LRRC4C: variants seen among roughly 807,000 people sequenced by gnomAD.
LRRC4C encodes leucine-rich repeat-containing protein 4C.
A neutral mutation model predicts 33.6 loss-of-function variants in LRRC4C; 5 were observed. The ratio of observed to expected loss-of-function variants is 0.15; its 90% CI spans 0.08 to 0.31. The LOEUF (loss-of-function observed/expected upper bound fraction) is 0.31. LRRC4C is among the 10% of genes least tolerant of loss of function. LRRC4C has a pLI of 1.00. For missense variants in LRRC4C, 560 were observed against 796.7 expected (o/e 0.70, Z 3.58); for synonymous variants, 329 against 302.0 (o/e 1.09, Z -0.93).
chr11:40,783,116 C>G (rs752426797), intron 2 of LRRC4C, among the ~76,000 whole-genome samples: 4 of 151,992 alleles, frequency 2.6e-5, no homozygotes, highest in Admixed American at 6.6e-5. Context: ...CTTAAAAATA[C>G]CACTGTTAAT....
At chr11:41,252,459 T>C (rs776935213) in intron 1 of LRRC4C, among the ~76,000 whole-genome samples, 2 of 152,132 alleles carry the variant, frequency 1.3e-5, no homozygotes, top group Non-Finnish European at 2.9e-5. Flanking sequence ...AAGTAAGTTA[T>C]CTAAGAAAAG....
At chr11:40,546,084 AC>A (rs1956905593) in intron 3 of LRRC4C, among the ~76,000 whole-genome samples, 2 of 135,756 alleles carry the variant, frequency 1.5e-5, no homozygotes, top group Non-Finnish European at 1.6e-5. Flanking sequence ...CTTCCTTCCT[AC>A]CTTCCTTCCT....
chr11:40,187,422 A>C (rs909791205), intron 5 of LRRC4C, among the ~76,000 whole-genome samples: 1 of 149,254 alleles, frequency 6.7e-6, no homozygotes, highest in African/African-American at 2.5e-5. Context: ...AAATGTTTGG[A>C]TTGACAGCTC....
At chr11:41,107,573 T>G (rs1157024033) in intron 1 of LRRC4C, among the ~76,000 whole-genome samples, 2 of 152,058 alleles carry the variant, frequency 1.3e-5, no homozygotes, top group African/African-American at 4.8e-5. Context: ...AACCAATTAA[T>G]TTGAAGATTA....
rs184028706 is a variant in LRRC4C, at chr11:41,446,507, A to G, written c.-496+12924T>C. Reference sequence around the variant, plus strand: ...GTGACATGCAATGAAGGGGACTGAGAGAGTTGTGGGTCAGTTTTCCTATAT... The same window carrying G: ...GTGACATGCAATGAAGGGGACTGAGGGAGTTGTGGGTCAGTTTTCCTATAT... On this transcript the variant is annotated intron_variant, in intron 1 of 6. Coordinates refer to ENST00000528697, the MANE Select transcript of LRRC4C (RefSeq NM_001258419.2). Among the ~76,000 whole-genome samples, 27 of 151,144 alleles carry G rather than the reference A, an allele frequency of 1.8e-4. No homozygotes were observed. In the East Asian group the frequency reaches 4.9e-3, roughly 28 times the overall value.
chr11:40,137,267 T>A (rs573965397), intron 6 of LRRC4C, among the ~76,000 whole-genome samples: 1 of 152,148 alleles, frequency 6.6e-6, no homozygotes, highest in Non-Finnish European at 1.5e-5. Flanking sequence ...ACTCTCACAC[T>A]TTCTCTTCCT....
At chr11:40,329,198 C>G (rs1398663108) in intron 3 of LRRC4C, among the ~76,000 whole-genome samples, 1 of 152,180 alleles carries the variant, frequency 6.6e-6, no homozygotes, top group African/African-American at 2.4e-5. Context: ...ACAGTTAGTT[C>G]TGTAAAGAGC....
chr11:41,087,110 A>T (rs2034233831), intron 1 of LRRC4C, among the ~76,000 whole-genome samples: 1 of 152,136 alleles, frequency 6.6e-6, no homozygotes, highest in Non-Finnish European at 1.5e-5. Flanking sequence ...CAAACCGGAA[A>T]TCTGGACATC....
At chr11:41,347,437 T>C (rs1405588911) in intron 1 of LRRC4C, among the ~76,000 whole-genome samples, 1 of 152,174 alleles carries the variant, frequency 6.6e-6, no homozygotes, top group African/African-American at 2.4e-5. Flanking sequence ...CCTGACTCTC[T>C]AGGGTACAAA....
intron 1 of LRRC4C, among the ~76,000 whole-genome samples, chr11:41,247,320 T>C (rs1280086445): frequency 5.3e-5 from 8 of 152,186 alleles, no homozygotes; most frequent in Admixed American, 5.2e-4. Flanking sequence ...ATCAAAACTG[T>C]TTTCAAGTCA....
At chr11:41,239,321 C>A (rs1156631370) in intron 1 of LRRC4C, among the ~76,000 whole-genome samples, 501 of 55,078 alleles carry the variant, frequency 9.1e-3, no homozygotes, top group African/African-American at 0.017. Context: ...GACTCTGTCT[C>A]AAAAAAAAAA....
rs187431599 is a variant in LRRC4C at position 40,805,649 on chromosome 11, A to G, written c.-407+127986T>C. Among the ~76,000 whole-genome samples the G allele has an allele frequency of 2.0e-4, 31 of 152,240 alleles. No homozygotes were observed. The East Asian group carries it at 5.6e-3, about 28-fold the overall frequency. ...CAACCTACAGTAAAGTTCTCTTCCC[A>G]AGTCTCTTGTTGACACTAGGGAGTC... On this transcript the variant is annotated intron_variant, in intron 2 of 6. Coordinates refer to ENST00000528697, the MANE Select transcript of LRRC4C (RefSeq NM_001258419.2).
intron 1 of LRRC4C, among the ~76,000 whole-genome samples, chr11:41,172,876 A>G (rs1218821499): frequency 2.6e-5 from 4 of 152,144 alleles, no homozygotes; most frequent in African/African-American, 9.7e-5. Context: ...AAATTACAAG[A>G]TACAGAAATG....
intron 2 of LRRC4C, among the ~76,000 whole-genome samples, chr11:40,714,485 T>C (rs1478459769): frequency 6.6e-6 from 1 of 152,228 alleles, no homozygotes; most frequent in East Asian, 1.9e-4. Context: ...AAGTAAATGC[T>C]TGTAAATCAA....
chr11:41,459,018 C>T (rs1239139340), intron 1 of LRRC4C, among the ~76,000 whole-genome samples: 2 of 152,048 alleles, frequency 1.3e-5, no homozygotes, highest in African/African-American at 4.8e-5. Context: ...CGGATTACAT[C>T]CCCACCTCCC....
chr11:41,207,138 C>G (rs1289202143), intron 1 of LRRC4C, among the ~76,000 whole-genome samples: 1 of 152,124 alleles, frequency 6.6e-6, no homozygotes, highest in East Asian at 1.9e-4. Context: ...ATTATTGTTT[C>G]AGTCAAAGGA....
At chr11:40,786,675 T>C (rs1950421835) in intron 2 of LRRC4C, among the ~76,000 whole-genome samples, 1 of 152,194 alleles carries the variant, frequency 6.6e-6, no homozygotes, top group African/African-American at 2.4e-5. Flanking sequence ...CTTGGTATCA[T>C]TGGTGTATGT....
chr11:40,490,719 C>G (rs1366463305), intron 3 of LRRC4C, among the ~76,000 whole-genome samples: 1 of 152,138 alleles, frequency 6.6e-6, no homozygotes, highest in Admixed American at 6.5e-5. Flanking sequence ...CAGCCTCCAT[C>G]TCTTCACTTC....
Position 41,034,606 on chromosome 11 carries a change from CGTATATATATAT to C in LRRC4C, c.-495-100895_-495-100884del, listed in dbSNP as rs1220772245. ...TTGTTTTTCTAAAAAAATATGGTGA[CGTATATATATAT>C]ATATATATATATATATATATGAGGT... On this transcript the variant is annotated intron_variant, in intron 1 of 6. Transcript: ENST00000528697. 3.3e-3 allele frequency among the ~76,000 whole-genome samples: 354 copies of C among 108,466 alleles called. 1 individual carries two copies. The highest frequency in any genetic ancestry group is 0.011 in the African/African-American group (284 of 25,298). The allele number at this position is 108,466 out of a possible 152,430, so 71.2% of individuals were successfully genotyped here. A position where few individuals can be genotyped will look rare whatever the true frequency, so the allele number is the denominator to read the frequency against.
Sources: gnomAD v4.1 joint callset for allele counts (sites outside exome capture counted in the v4.1 genomes callset) on GRCh38, gnomAD v4.1.1 for gene constraint, MANE v1.5 for transcripts, NCBI Gene and HGNC (gene_info 2026-07-23, HGNC 2026-07-21) for gene names.